The following DGCR2 variants were observed in gnomAD, a reference collection of about 807,000 sequenced individuals.
The protein encoded by DGCR2 is DiGeorge syndrome critical region gene 2, also known as integral membrane protein DGCR2/IDD.
Under a neutral mutation model 51.6 loss-of-function variants are expected in DGCR2, and 24 were observed. The observed-to-expected ratio is 0.47, with a 90% CI of 0.34 to 0.65. The LOEUF is 0.65. Ranked by LOEUF, DGCR2 falls within the 30% of genes least tolerant of loss-of-function variation. The probability of loss-of-function intolerance (pLI) is 0.01; values close to 1 mark genes in which losing one functional copy is unlikely to be tolerated. For missense variants in DGCR2, 765 were observed against 772.1 expected, an observed-to-expected ratio of 0.99 and a Z score of 0.11; for synonymous variants, 340 against 315.4, an observed-to-expected ratio of 1.08 and a Z score of -0.82.
chr22:19,070,935 G>A (rs1335909849), intron 2 of DGCR2, among the ~76,000 whole-genome samples: 2 of 152,244 alleles, frequency 1.3e-5, no homozygotes, highest in Non-Finnish European at 2.9e-5. Flanking sequence ...TGTCCTGGGG[G>A]AGAGTCTGGG....
At chr22:19,069,159 GCA>G (rs1302290501) in intron 2 of DGCR2, among the ~76,000 whole-genome samples, 1 of 152,236 alleles carries the variant, frequency 6.6e-6, no homozygotes, top group Non-Finnish European at 1.5e-5. Flanking sequence ...CTGCAAGGCT[GCA>G]CACAGACAGA....
chr22:19,077,213 T>C (rs1212823952), intron 2 of DGCR2, among the ~76,000 whole-genome samples: 3 of 152,248 alleles, frequency 2.0e-5, no homozygotes, highest in Non-Finnish European at 2.9e-5. Flanking sequence ...AATTTATCTA[T>C]TGTTTCTTTT....
intron 1 of DGCR2, among the ~76,000 whole-genome samples, chr22:19,118,707 C>A (rs983103454): frequency 3.3e-5 from 5 of 152,222 alleles, no homozygotes; most frequent in Admixed American, 3.3e-4. Flanking sequence ...GACCAGGGTG[C>A]ACCAGCATTC....
chr22:19,093,751 C>T (rs568030463), intron 1 of DGCR2, among the ~76,000 whole-genome samples: 1 of 152,146 alleles, frequency 6.6e-6, no homozygotes, highest in Non-Finnish European at 1.5e-5. Context: ...AATCCCAACA[C>T]TTTAGGAGGC....
chr22:19,082,073 T>G lies in DGCR2; in HGVS notation c.202+7295A>C, dbSNP rs1473391535. Among the ~76,000 whole-genome samples the G allele has an allele frequency of 4.0e-5, 6 of 151,454 alleles. No homozygotes were observed. In the East Asian group the frequency reaches 9.7e-4, roughly 24 times the overall value. ...TTTTGGGGTTTTTTTTGTTTTTTTT[T>G]TTTTGAAACAGGGTCTCACTCTGAT... On this transcript the variant is annotated intron_variant, in intron 2 of 9. Coordinates refer to ENST00000263196, the MANE Select transcript of DGCR2 (RefSeq NM_005137.3).
intron 3 of DGCR2, among the ~76,000 whole-genome samples, chr22:19,066,229 CT>C (rs1354569831): frequency 6.6e-6 from 1 of 152,092 alleles, no homozygotes; most frequent in Non-Finnish European, 1.5e-5. Flanking sequence ...GCGAAACCCC[CT>C]ATCTACCGAA....
intron 7 of DGCR2, chr22:19,046,321 TAC>T (rs750863423): frequency 1.2e-4 from 18 of 152,360 alleles, no homozygotes; most frequent in Non-Finnish European, 2.4e-4. Flanking sequence ...TTTCAACTGT[TAC>T]AGATAGATTA....
At chr22:19,108,815 A>C (rs2083285850) in intron 1 of DGCR2, among the ~76,000 whole-genome samples, 1 of 151,396 alleles carries the variant, frequency 6.6e-6, no homozygotes, top group South Asian at 2.1e-4. Context: ...TGAGCCCAGG[A>C]GCTCAAGACC....
chr22:19,068,083 G>T lies in DGCR2; in HGVS notation c.328+17C>A, dbSNP rs1005073934. 9 of 1,556,732 alleles carry T rather than the reference G, an allele frequency of 5.8e-6. No individual in the cohort carries two copies. Among genetic ancestry groups the T allele is most frequent in the Middle Eastern group, 3.7e-4 (2 of 5,402 alleles). On this transcript the variant is annotated intron_variant, in intron 3 of 9. Transcript: ENST00000263196. ...TGCACTCCCCAGTGTCCCAGTCAGG[G>T]CAGGTCTGCAACTTACTGCTGAAGC...
intron 7 of DGCR2, among the ~76,000 whole-genome samples, chr22:19,043,925 C>T (rs1016022510): frequency 1.3e-5 from 2 of 152,194 alleles, no homozygotes; most frequent in African/African-American, 4.8e-5. Context: ...ATCCTCTCAC[C>T]AATTAGCTGC....
rs774687661 is a variant in DGCR2, at chr22:19,057,185, G to C, written c.626-23C>G. On this transcript the variant is annotated intron_variant, in intron 5 of 9. Coordinates refer to ENST00000263196, the MANE Select transcript of DGCR2 (RefSeq NM_005137.3). This position sits in a 1 kb window ranked among gnomAD's most constrained non-coding sequence, Gnocchi z 5.1. ...AGCCTGTTGGGGAGACAAAAGGTGG[G>C]GCTGGACAACATCACATCAGAGGAC... 1 of 1,579,184 alleles carries C rather than the reference G, an allele frequency of 6.3e-7. No homozygotes were observed. The highest frequency in any genetic ancestry group is 8.6e-7 in the Non-Finnish European group (1 of 1,162,120).
intron 1 of DGCR2, among the ~76,000 whole-genome samples, chr22:19,105,567 G>A (rs1378916037): frequency 1.3e-5 from 2 of 152,194 alleles, no homozygotes; most frequent in Non-Finnish European, 2.9e-5. Context: ...GGAAGGGAGC[G>A]ATGCACGCTC....
intron 3 of DGCR2, among the ~76,000 whole-genome samples, chr22:19,067,576 C>T (rs2145974779): frequency 6.6e-6 from 1 of 152,054 alleles, no homozygotes; most frequent in East Asian, 1.9e-4. Context: ...GCCTGTAATC[C>T]CAGCTACTCG....
At chr22:19,043,603 A>G (rs1411245805) in intron 7 of DGCR2, among the ~76,000 whole-genome samples, 1 of 152,094 alleles carries the variant, frequency 6.6e-6, no homozygotes, top group African/African-American at 2.4e-5. Context: ...ACGAGGAGTG[A>G]CCCATCAGCT....
chr22:19,079,299 AG>A (rs906191355), intron 2 of DGCR2, among the ~76,000 whole-genome samples: 1 of 152,228 alleles, frequency 6.6e-6, no homozygotes, highest in African/African-American at 2.4e-5. Flanking sequence ...TTCCAAAATC[AG>A]AAAAAAATCC....
At chr22:19,095,616 G>A (rs1024997360) in intron 1 of DGCR2, among the ~76,000 whole-genome samples, 17 of 147,822 alleles carry the variant, frequency 1.2e-4, no homozygotes, top group East Asian at 2.0e-4. Context: ...AGCCCAGATC[G>A]CGCCACTGCC....
Position 19,040,736 on chromosome 22 carries a change from G to A in DGCR2, c.1396+322C>T, listed in dbSNP as rs55646008. On this transcript the variant is annotated intron_variant, in intron 9 of 9. Coordinates refer to ENST00000263196, the MANE Select transcript of DGCR2 (RefSeq NM_005137.3). ...CCCTGTCTTCACAACCACCACTGTC[G>A]GGCTCCCCAGGTCTCTAGAGCTGGG... 5.4e-3 allele frequency among the ~76,000 whole-genome samples: 821 copies of A among 152,130 alleles called. 4 individuals are homozygous for A. The highest frequency in any genetic ancestry group is 7.3e-3 in the Non-Finnish European group (496 of 68,000).
intron 2 of DGCR2, among the ~76,000 whole-genome samples, chr22:19,082,055 G>GT (rs964748419): frequency 1.5e-4 from 14 of 92,044 alleles, no homozygotes; most frequent in South Asian, 9.2e-4. Flanking sequence ...GTTTTTTGGG[G>GT]TTTTTTTTGT....
chr22:19,096,039 A>G (rs2854659), intron 1 of DGCR2, among the ~76,000 whole-genome samples: 2 of 152,012 alleles, frequency 1.3e-5, no homozygotes, highest in Non-Finnish European at 2.9e-5. Flanking sequence ...TGAGTAAATC[A>G]GCAATTGGGA....
Sources: allele counts gnomAD v4.1 joint callset (sites outside exome capture counted in the v4.1 genomes callset), GRCh38; gene constraint gnomAD v4.1.1; non-coding constraint Gnocchi (gnomAD v3.1); transcripts MANE v1.5; gene names NCBI Gene and HGNC (gene_info 2026-07-23, HGNC 2026-07-21).